PGCKA1: variants seen among roughly 807,000 people sequenced by gnomAD.
The protein encoded by PGCKA1 is PDCD10 and GCKIII kinases-associated protein 1.
the PGCKA1 span, among the ~76,000 whole-genome samples, chr4:37,486,456 T>G: frequency 1.3e-5 from 2 of 152,166 alleles, no homozygotes; most frequent in Non-Finnish European, 2.9e-5. Flanking sequence ...AGTTAATCAT[T>G]CTGCCGAGCA....
At chr4:37,553,451 G>C in the PGCKA1 span, among the ~76,000 whole-genome samples, 2 of 152,128 alleles carry the variant, frequency 1.3e-5, no homozygotes, top group Non-Finnish European at 2.9e-5. Flanking sequence ...GTAGACACTT[G>C]TTTGATATAG....
chr4:37,564,363 C>T, the PGCKA1 span, among the ~76,000 whole-genome samples: 68,467 of 151,278 alleles, frequency 0.45, 16,336 homozygotes, highest in South Asian at 0.54. Flanking sequence ...TCCTAAGCAC[C>T]TACTATTTGC....
chr4:37,506,016 G>C, the PGCKA1 span, among the ~76,000 whole-genome samples: 219 of 152,324 alleles, frequency 1.4e-3, no homozygotes, highest in African/African-American at 5.0e-3. Context: ...AATCTTAGTA[G>C]AGTGTATGAG....
At chr4:37,473,629 A>G in the PGCKA1 span, among the ~76,000 whole-genome samples, 2 of 152,198 alleles carry the variant, frequency 1.3e-5, no homozygotes, top group African/African-American at 2.4e-5. Context: ...GTACCTGCAG[A>G]TAATGCTTTT....
chr4:37,555,853 C>G, the PGCKA1 span, among the ~76,000 whole-genome samples: 1 of 152,064 alleles, frequency 6.6e-6, no homozygotes, highest in Admixed American at 6.5e-5. Context: ...TATGGTTCTG[C>G]CTTCTTCCCT....
the PGCKA1 span, among the ~76,000 whole-genome samples, chr4:37,573,413 A>C: frequency 2.0e-5 from 3 of 152,056 alleles, no homozygotes; most frequent in African/African-American, 7.2e-5. Context: ...CAGGATATGC[A>C]TCCAAGTCTG....
chr4:37,458,300 A>G, the PGCKA1 span, among the ~76,000 whole-genome samples: 1 of 152,210 alleles, frequency 6.6e-6, no homozygotes, highest in Non-Finnish European at 1.5e-5. Context: ...ATTCTATATT[A>G]AGTATAATAT....
At chr4:37,497,538 A>G in the PGCKA1 span, among the ~76,000 whole-genome samples, 1 of 152,170 alleles carries the variant, frequency 6.6e-6, no homozygotes, top group African/African-American at 2.4e-5. Context: ...CCATGCCAAC[A>G]TCTACTGTTT....
chr4:37,525,237 G>T, the PGCKA1 span, among the ~76,000 whole-genome samples: 2 of 152,114 alleles, frequency 1.3e-5, no homozygotes, highest in Non-Finnish European at 2.9e-5. Context: ...AGTAGGTATT[G>T]TTATCCTTAT....
chr4:37,476,247 C>T, the PGCKA1 span, among the ~76,000 whole-genome samples: 1 of 152,238 alleles, frequency 6.6e-6, no homozygotes, highest in Non-Finnish European at 1.5e-5. Flanking sequence ...CTAATGTTCT[C>T]ATTTTCCAAA....
chr4:37,471,173 T>C, the PGCKA1 span, among the ~76,000 whole-genome samples: 1 of 152,250 alleles, frequency 6.6e-6, no homozygotes, highest in Non-Finnish European at 1.5e-5. Context: ...AGATTCCAAG[T>C]TCTGCTCCAC....
chr4:37,499,302 C>A, the PGCKA1 span, among the ~76,000 whole-genome samples: 1 of 152,080 alleles, frequency 6.6e-6, no homozygotes, highest in Non-Finnish European at 1.5e-5. Flanking sequence ...TGAGCCTCTG[C>A]CAGCTTTTGG....
the PGCKA1 span, among the ~76,000 whole-genome samples, chr4:37,555,623 G>A: frequency 0.45 from 69,018 of 152,044 alleles, 16,463 homozygotes; most frequent in South Asian, 0.54. Context: ...GTGGATTTTG[G>A]ATTTGTTCTA....
the PGCKA1 span, among the ~76,000 whole-genome samples, chr4:37,579,930 T>C: frequency 2.0e-5 from 3 of 152,230 alleles, no homozygotes; most frequent in Admixed American, 1.3e-4. Context: ...GAGGCTATTT[T>C]CTAGATCTTG....
At chr4:37,467,093 A>G in the PGCKA1 span, among the ~76,000 whole-genome samples, 1 of 152,202 alleles carries the variant, frequency 6.6e-6, no homozygotes, top group Non-Finnish European at 1.5e-5. Context: ...GTGAGACTCC[A>G]TCTCAGAAAA....
the PGCKA1 span, among the ~76,000 whole-genome samples, chr4:37,586,735 C>T: frequency 6.6e-6 from 1 of 152,158 alleles, no homozygotes; most frequent in African/African-American, 2.4e-5. Flanking sequence ...CATGGTGAAA[C>T]CTCATCTCTA....
chr4:37,480,601 G>T, the PGCKA1 span, among the ~76,000 whole-genome samples: 1 of 152,242 alleles, frequency 6.6e-6, no homozygotes, highest in Non-Finnish European at 1.5e-5. Flanking sequence ...GGGTGAGGGG[G>T]CTTGTCACAA....
the PGCKA1 span, chr4:37,460,519 T>C: frequency 2.2e-6 from 1 of 450,952 alleles, no homozygotes; most frequent in African/African-American, 2.0e-5. Flanking sequence ...GACTTTTTAA[T>C]AATCACCATT....
chr4:37,518,982 T>C, the PGCKA1 span, among the ~76,000 whole-genome samples: 46,452 of 152,074 alleles, frequency 0.31, 8,357 homozygotes, highest in African/African-American at 0.49. Context: ...CACTCTTCTG[T>C]ATATGGATAT....
Sources: allele counts gnomAD v4.1 joint callset (sites outside exome capture counted in the v4.1 genomes callset), GRCh38; gene constraint gnomAD v4.1.1; transcripts MANE v1.5; gene names NCBI Gene and HGNC (gene_info 2026-07-23, HGNC 2026-07-21).